JARID2: variants seen among roughly 807,000 people sequenced by gnomAD.
The protein encoded by JARID2 is protein Jumonji.
JARID2 carries 21 observed loss-of-function variants against 125.6 expected under a neutral mutation model. The observed-to-expected ratio is 0.17, with a 90% CI of 0.12 to 0.24. The LOEUF (loss-of-function observed/expected upper bound fraction) is 0.24, where lower values mean the gene tolerates loss of function less well. Among genes scored for constraint, JARID2 ranks in the 10% least tolerant of loss-of-function variants. JARID2 has a pLI of 1.00. For missense variants in JARID2, 1,303 were observed against 1,639.6 expected, an observed-to-expected ratio of 0.79 and a Z score of 3.55; for synonymous variants, 736 against 661.6, an observed-to-expected ratio of 1.11 and a Z score of -1.73.
chr6:15,416,452 G>A lies in JARID2; in HGVS notation c.323+6087G>A, dbSNP rs988891582. 5.9e-5 allele frequency among the ~76,000 whole-genome samples: 9 copies of A among 152,272 alleles called. No homozygotes were observed. In the East Asian group the frequency reaches 1.2e-3, roughly 20 times the overall value. On this transcript the variant is annotated intron_variant, in intron 3 of 17. Transcript: ENST00000341776. ...TGCAATCCCGGCACCTCGGGAGGCC[G>A]AGGCTGGCGGATCACTCGCGGTTAG...
chr6:15,457,583 G>A (rs1581591629), intron 4 of JARID2, among the ~76,000 whole-genome samples: 1 of 149,048 alleles, frequency 6.7e-6, no homozygotes, highest in Non-Finnish European at 1.5e-5. Flanking sequence ...AGTGATGTTT[G>A]TTGCTAAGGA....
intron 2 of JARID2, among the ~76,000 whole-genome samples, chr6:15,399,893 G>A (rs889288360): frequency 3.9e-5 from 6 of 152,238 alleles, no homozygotes; most frequent in Non-Finnish European, 7.3e-5. Flanking sequence ...ATGTGGTAGT[G>A]TTGAGAGCAT....
intron 1 of JARID2, among the ~76,000 whole-genome samples, chr6:15,316,327 G>A (rs1240157869): frequency 1.3e-5 from 2 of 151,978 alleles, no homozygotes; most frequent in Non-Finnish European, 2.9e-5. Context: ...TGTCCACCTC[G>A]GCCACCCAAA....
chr6:15,510,861 C>T (rs762648137), intron 12 of JARID2, among the ~76,000 whole-genome samples: 3 of 152,256 alleles, frequency 2.0e-5, no homozygotes, highest in African/African-American at 4.8e-5. Flanking sequence ...CCACGTATTC[C>T]TTGTGAGGAC....
At chr6:15,309,196 C>G (rs2127424022) in intron 1 of JARID2, among the ~76,000 whole-genome samples, 1 of 152,258 alleles carries the variant, frequency 6.6e-6, no homozygotes, top group African/African-American at 2.4e-5. Context: ...ATTTCTCATC[C>G]AACAGACTCA....
chr6:15,510,746 G>A (rs1269937185), intron 12 of JARID2, among the ~76,000 whole-genome samples: 2 of 152,260 alleles, frequency 1.3e-5, no homozygotes, highest in African/African-American at 2.4e-5. Flanking sequence ...CTGCCAAGGA[G>A]TTGGCCTTGA....
chr6:15,509,177 A>G (rs1771155059), intron 12 of JARID2: 1 of 1,279,730 alleles, frequency 7.8e-7, no homozygotes, highest in Non-Finnish European at 1.0e-6. Context: ...CCTGACTCTC[A>G]CTGCACCCAT....
intron 1 of JARID2, among the ~76,000 whole-genome samples, chr6:15,310,483 A>G (rs1443977363): frequency 1.2e-4 from 18 of 152,216 alleles, no homozygotes; most frequent in Non-Finnish European, 5.9e-5. Context: ...GAATTAAACA[A>G]GGATGGCCCT....
chr6:15,420,210 C>T (rs781640526), intron 3 of JARID2, among the ~76,000 whole-genome samples: 20 of 152,134 alleles, frequency 1.3e-4, no homozygotes, highest in Non-Finnish European at 2.9e-4. Flanking sequence ...CAAGACCTTC[C>T]TGGCCAACAT....
At position 15,497,201 on chromosome 6, in the gene JARID2, GCCTGCCCT is replaced by G. The variant is rs1201823301; in HGVS notation, c.1945+39_1945+46del. 12 of 1,480,516 alleles carry G rather than the reference GCCTGCCCT, an allele frequency of 8.1e-6. No individual in the cohort carries two copies. In the African/African-American group the frequency reaches 1.1e-4, roughly 14 times the overall value. The allele number at this position is 1,480,516 out of a possible 1,614,324, so 91.7% of individuals were successfully genotyped here. A position where few individuals can be genotyped will look rare whatever the true frequency, so the allele number is the denominator to read the frequency against. On this transcript the variant is annotated intron_variant, in intron 7 of 17. Coordinates refer to ENST00000341776, the MANE Select transcript of JARID2 (RefSeq NM_004973.4). ...TCTGGGCGGGGGGTCAGGGGGTGGT[GCCTGCCCT>G]CCTGCCCCCAGATCCCTGCAGTTCC...
rs946717149 is a variant in JARID2 at position 15,326,824 on chromosome 6, G to A, written c.46-47293G>A. ...CACAGCATTAATTTTTAAAAGCTGT[G>A]AATTCTATTTAGAGAAAACATACCC... On this transcript the variant is annotated intron_variant, in intron 1 of 17. Coordinates refer to ENST00000341776, the MANE Select transcript of JARID2 (RefSeq NM_004973.4). 2.0e-5 allele frequency among the ~76,000 whole-genome samples: 3 copies of A among 152,218 alleles called. No homozygotes were observed. In the East Asian group the frequency reaches 5.8e-4, roughly 29 times the overall value.
At chr6:15,472,745 T>TGGCTG (rs1769137171) in intron 5 of JARID2, among the ~76,000 whole-genome samples, 1 of 152,168 alleles carries the variant, frequency 6.6e-6, no homozygotes, top group Non-Finnish European at 1.5e-5. Flanking sequence ...CCCATTCTGT[T>TGGCTG]GTCCAGAGTC....
At chr6:15,346,280 A>T (rs911092499) in intron 1 of JARID2, among the ~76,000 whole-genome samples, 6 of 152,242 alleles carry the variant, frequency 3.9e-5, no homozygotes, top group African/African-American at 1.4e-4. Context: ...AGCAGGTGTT[A>T]GAAACTCCAG....
chr6:15,379,025 G>A (rs1166120296), intron 2 of JARID2, among the ~76,000 whole-genome samples: 1 of 152,158 alleles, frequency 6.6e-6, no homozygotes, highest in African/African-American at 2.4e-5. Flanking sequence ...TGAGCAGTGA[G>A]CTCAGCTGCC....
intron 2 of JARID2, among the ~76,000 whole-genome samples, chr6:15,387,804 T>C (rs1042303265): frequency 2.6e-5 from 4 of 152,162 alleles, no homozygotes; most frequent in African/African-American, 9.7e-5. Context: ...GGATGGCAGT[T>C]GTGATGGTCC....
intron 2 of JARID2, among the ~76,000 whole-genome samples, chr6:15,401,233 A>C (rs1765421487): frequency 6.6e-6 from 1 of 152,148 alleles, no homozygotes. Flanking sequence ...TAGCTTTGAT[A>C]TCCTCCCTAG....
chr6:15,467,229 C>A (rs1358097859), intron 4 of JARID2, among the ~76,000 whole-genome samples: 1 of 152,142 alleles, frequency 6.6e-6, no homozygotes, highest in Admixed American at 6.6e-5. Flanking sequence ...ATATATAGTT[C>A]CGAAGCTGGA....
intron 1 of JARID2, among the ~76,000 whole-genome samples, chr6:15,281,640 A>G (rs1018488234): frequency 2.6e-5 from 4 of 152,112 alleles, no homozygotes; most frequent in African/African-American, 4.8e-5. Context: ...ATGGCCTGTG[A>G]TTTAGCTTTT....
At chr6:15,495,052 CTCATA>C (rs1770345120) in intron 6 of JARID2, among the ~76,000 whole-genome samples, 1 of 152,200 alleles carries the variant, frequency 6.6e-6, no homozygotes, top group African/African-American at 2.4e-5. Flanking sequence ...TGACTTTAAC[CTCATA>C]TCATAGACGA....
Sources: gnomAD v4.1 joint callset for allele counts (sites outside exome capture counted in the v4.1 genomes callset) on GRCh38, gnomAD v4.1.1 for gene constraint, MANE v1.5 for transcripts, NCBI Gene and HGNC (gene_info 2026-07-23, HGNC 2026-07-21) for gene names.